TFEB: variants seen among roughly 807,000 people sequenced by gnomAD.
TFEB encodes transcription factor EB.
Under a neutral mutation model 48.0 loss-of-function variants are expected in TFEB, and 12 were observed. The ratio of observed to expected loss-of-function variants is 0.25; its 90% CI spans 0.16 to 0.40. TFEB has a LOEUF of 0.40. Among genes scored for constraint, TFEB ranks in the 10% least tolerant of loss-of-function variants. The pLI is 1.00. For missense variants in TFEB, 509 were observed against 640.3 expected (o/e 0.79, Z 2.21); for synonymous variants, 244 against 261.4 (o/e 0.93, Z 0.64).
intron 1 of TFEB, among the ~76,000 whole-genome samples, chr6:41,696,016 A>C (rs1297706979): frequency 6.6e-6 from 1 of 152,220 alleles, no homozygotes; most frequent in Admixed American, 6.5e-5. Context: ...TGGCCAGCAG[A>C]GGCACAGAGC....
chr6:41,726,767 C>T (rs1411029666), intron 1 of TFEB, among the ~76,000 whole-genome samples: 3 of 152,184 alleles, frequency 2.0e-5, no homozygotes, highest in African/African-American at 4.8e-5. Flanking sequence ...TTATTTACTA[C>T]ATTATATGTG....
chr6:41,733,494 C>T (rs1771535685), intron 1 of TFEB: 1 of 423,810 alleles, frequency 2.4e-6, no homozygotes, highest in Non-Finnish European at 3.2e-6. Flanking sequence ...CCATTGGCTT[C>T]CCTCGGGGAG....
intron 1 of TFEB, among the ~76,000 whole-genome samples, chr6:41,706,493 C>G (rs1314782960): frequency 6.6e-6 from 1 of 151,628 alleles, no homozygotes; most frequent in African/African-American, 2.4e-5. Flanking sequence ...ACACCCACCC[C>G]CAACCACCCT....
chr6:41,693,075 G>C (rs772310284), intron 1 of TFEB, among the ~76,000 whole-genome samples: 3 of 152,168 alleles, frequency 2.0e-5, no homozygotes, highest in Non-Finnish European at 2.9e-5. Flanking sequence ...ACATGGATGG[G>C]CACATGACTG....
At chr6:41,699,768 A>C (rs28360642) in intron 1 of TFEB, among the ~76,000 whole-genome samples, 20,705 of 152,292 alleles carry the variant, frequency 0.14, 1,616 homozygotes, top group Admixed American at 0.2. Flanking sequence ...GCACTGTTTG[A>C]TTGAAAGGTC....
chr6:41,716,946 G>T (rs192421240), intron 1 of TFEB, among the ~76,000 whole-genome samples: 1 of 151,982 alleles, frequency 6.6e-6, no homozygotes, highest in Non-Finnish European at 1.5e-5. Context: ...GCATGCCCGC[G>T]TGCACCCTAC....
chr6:41,716,422 T>C (rs1385195094), intron 1 of TFEB, among the ~76,000 whole-genome samples: 1 of 152,066 alleles, frequency 6.6e-6, no homozygotes, highest in East Asian at 1.9e-4. Flanking sequence ...GTGGGAAACC[T>C]ATCTGATGAG....
chr6:41,684,799 G>A lies in TFEB; in HGVS notation c.1231C>T (p.Pro411Ser), dbSNP rs200070041. The A allele has an allele frequency of 6.2e-6, 10 of 1,605,306 alleles. No homozygotes were observed. Among genetic ancestry groups the A allele is most frequent in the Middle Eastern group, 1.7e-4 (1 of 6,030 alleles). Residue 411 changes from proline to serine, a missense_variant, in exon 9 of 9, where the codon CCG (proline) becomes TCG (serine). By Grantham distance (74) the Pro-to-Ser change is moderately conservative. Coordinates refer to ENST00000373033, the MANE Select transcript of TFEB (RefSeq NM_001271944.2). ...GGCGCCAGGGGTTCGGGGTAGCCCG[G>A]GGGACCCTCGTCCTCCCTGCCCCCA... ...SFGGREDEGP[P>S]GYPEPLAPGH... is the part of the protein sequence containing the mutation.
chr6:41,702,960 G>C (rs1408925382), intron 1 of TFEB, among the ~76,000 whole-genome samples: 1 of 152,216 alleles, frequency 6.6e-6, no homozygotes, highest in Non-Finnish European at 1.5e-5. Context: ...TGATGGTTCT[G>C]GCAGCATGGA....
At chr6:41,686,928 G>A in intron 7 of TFEB, 166 bp downstream of exon 7, 1 of 671,860 alleles carries the variant, frequency 1.5e-6, no homozygotes, top group African/African-American at 1.8e-5. Context: ...GAGCTTTCCT[G>A]ATTCTTTCCT....
chr6:41,735,259 C>A (rs993754635), intron 1 of TFEB, 91 bp downstream of exon 1: 33 of 969,854 alleles, frequency 3.4e-5, no homozygotes, highest in Non-Finnish European at 3.8e-5. Flanking sequence ...ACCCTCCCAC[C>A]TGTCTCCGGG....
chr6:41,735,670 T>C, upstream of TFEB: 2 of 669,002 alleles, frequency 3.0e-6, no homozygotes, highest in Non-Finnish European at 3.7e-6. Context: ...CCGCTCTGCC[T>C]CGGCGCCCAC....
At chr6:41,713,749 G>A (rs572645471) in intron 1 of TFEB, among the ~76,000 whole-genome samples, 9 of 152,304 alleles carry the variant, frequency 5.9e-5, no homozygotes, top group African/African-American at 1.9e-4. Context: ...GAGGCACCCA[G>A]GAACAGGAGC....
chr6:41,710,263 T>C (rs1276571699), intron 1 of TFEB, among the ~76,000 whole-genome samples: 1 of 152,160 alleles, frequency 6.6e-6, no homozygotes, highest in South Asian at 2.1e-4. Flanking sequence ...CCTGGCTCAG[T>C]TGCCTTCATA....
At chr6:41,713,214 G>A (rs1256184860) in intron 1 of TFEB, among the ~76,000 whole-genome samples, 1 of 152,142 alleles carries the variant, frequency 6.6e-6, no homozygotes, top group African/African-American at 2.4e-5. Context: ...GCCTGCACCA[G>A]GGTGCTGGGG....
chr6:41,701,559 C>T (rs1032893235), intron 1 of TFEB, among the ~76,000 whole-genome samples: 3 of 152,224 alleles, frequency 2.0e-5, no homozygotes, highest in Non-Finnish European at 4.4e-5. Context: ...CCACATTGCA[C>T]TGCGCAAGGG....
At chr6:41,690,030 G>C (rs1769214678) in intron 3 of TFEB, among the ~76,000 whole-genome samples, 1 of 152,180 alleles carries the variant, frequency 6.6e-6, no homozygotes, top group Non-Finnish European at 1.5e-5. Flanking sequence ...TACCTGCCCA[G>C]GGAGCTTCCT....
chr6:41,691,351 C>T lies in TFEB; in HGVS notation c.-22-116G>A, dbSNP rs867926869. 46 of 1,079,130 alleles carry T rather than the reference C, an allele frequency of 4.3e-5. No homozygotes were observed. The Middle Eastern group carries it at 1.8e-3, about 41-fold the overall frequency. The allele number at this position is 1,079,130 out of a possible 1,614,324, so 66.8% of individuals were successfully genotyped here. A position where few individuals can be genotyped will look rare whatever the true frequency, so the allele number is the denominator to read the frequency against. ...GCATCCATTTTAGAGGAGAAGACAC[C>T]GAGCCCTGAGAGGGGAAGAGATTTG... On this transcript the variant is annotated intron_variant, in intron 1 of 8. Transcript: ENST00000373033. The surrounding 1 kb of genome is among the most constrained non-coding windows in gnomAD (Gnocchi z 5.2).
Position 41,690,660 on chromosome 6 carries a change from C to A in TFEB, c.468+3G>T. On this transcript the variant is annotated splice_donor_region_variant and intron_variant, in intron 3 of 8. Transcript: ENST00000373033. ...CATGGCCACTGGCCAGCTCCTCACT[C>A]ACCTCCCTCTCAGGGTTGGAGCCAA... 2 of 1,516,156 alleles carry A rather than the reference C, an allele frequency of 1.3e-6. No individual in the cohort carries two copies. The highest frequency in any genetic ancestry group is 1.8e-6 in the Non-Finnish European group (2 of 1,128,244). 93.9% of individuals were successfully genotyped at this position (1,516,156 alleles called of 1,614,324 possible).
Sources: gnomAD v4.1 joint callset for allele counts (sites outside exome capture counted in the v4.1 genomes callset) on GRCh38, gnomAD v4.1.1 for gene constraint, Gnocchi (gnomAD v3.1) non-coding constraint, MANE v1.5 for transcripts, NCBI Gene and HGNC (gene_info 2026-07-23, HGNC 2026-07-21) for gene names.